Variants in LPCAT1 observed in about 807,000 individuals in gnomAD.
LPCAT1 encodes lysophosphatidylcholine acyltransferase 1.
Under a neutral mutation model 60.9 loss-of-function variants are expected in LPCAT1, and 23 were observed. The ratio of observed to expected loss-of-function variants is 0.38; its 90% CI spans 0.27 to 0.53. LPCAT1 has a LOEUF of 0.53. LPCAT1 is among the 20% of genes least tolerant of loss of function. The pLI, the probability that LPCAT1 is intolerant of heterozygous loss-of-function variation, is 0.82. For synonymous variants in LPCAT1, 340 were observed against 301.1 expected (o/e 1.13, Z -1.34); for missense variants, 622 against 723.6 (o/e 0.86, Z 1.61).
chr5:1,483,240 A>G lies in LPCAT1; in HGVS notation c.726+188T>C, dbSNP rs1045443131. Among the ~76,000 whole-genome samples, 13 of 152,236 alleles carry G rather than the reference A, an allele frequency of 8.5e-5. No homozygotes were observed. The highest frequency in any genetic ancestry group is 3.4e-3 in the Middle Eastern group (1 of 294). On this transcript the variant is annotated intron_variant, in intron 6 of 13. Transcript: ENST00000283415. The surrounding 1 kb of genome is among the most constrained non-coding windows in gnomAD (Gnocchi z 9.2). ...ACAGGCCGCACTCAGGAACGTGCCGAGCCCAGGGCCCGGGCCTGTCCTGCC... is the reference window on the plus strand; with the variant it reads ...ACAGGCCGCACTCAGGAACGTGCCGGGCCCAGGGCCCGGGCCTGTCCTGCC...
intron 12 of LPCAT1, 63 bp from the exon 13 acceptor site, chr5:1,466,953 A>C: frequency 1.4e-6 from 2 of 1,425,852 alleles, no homozygotes; most frequent in Non-Finnish European, 1.8e-6. Flanking sequence ...CCCGCTGTCC[A>C]GGGACACCCC....
At chr5:1,463,992 G>A in intron 13 of LPCAT1, among the ~76,000 whole-genome samples, 157 bp from the exon 14 acceptor site, 1 of 152,222 alleles carries the variant, frequency 6.6e-6, no homozygotes, top group East Asian at 1.9e-4. Context: ...GTGGAGAGAA[G>A]AACTTGCGCT....
intron 5 of LPCAT1, among the ~76,000 whole-genome samples, chr5:1,485,075 C>T (rs889794384): frequency 2.0e-5 from 3 of 152,180 alleles, no homozygotes; most frequent in Admixed American, 6.5e-5. Context: ...CAGGAGCTCG[C>T]GTGGAGTGCC....
intron 3 of LPCAT1, 49 bp from the exon 4 acceptor site, chr5:1,489,907 C>T (rs753664142): frequency 3.8e-5 from 51 of 1,353,446 alleles, no homozygotes; most frequent in Admixed American, 1.0e-4. Context: ...CGGCTCCCGC[C>T]AGGCAGGGCT....
chr5:1,468,849 G>A (rs1734550032), intron 12 of LPCAT1, among the ~76,000 whole-genome samples: 2 of 152,240 alleles, frequency 1.3e-5, no homozygotes, highest in Non-Finnish European at 2.9e-5. Flanking sequence ...TGTGTCCCAA[G>A]AGCAGCACGC....
In LPCAT1 at chr5:1,476,706, C is replaced by T. The variant is rs955256131; in HGVS notation, c.899+698G>A. Among the ~76,000 whole-genome samples the T allele has an allele frequency of 2.6e-5, 4 of 151,954 alleles. No individual in the cohort carries two copies. The highest frequency in any genetic ancestry group is 5.9e-5 in the Non-Finnish European group (4 of 68,012). ...TTTGCAGGAGGAAGCACTAGGGAGG[C>T]ATTCACGTGGGGGTAAATCCAGGTG... On this transcript the variant is annotated intron_variant, in intron 9 of 13. Transcript: ENST00000283415. The surrounding 1 kb of genome is among the most constrained non-coding windows in gnomAD (Gnocchi z 8.6).
At position 1,523,573 on chromosome 5, in the gene LPCAT1, G is replaced by T; in HGVS notation, c.135+137C>A. ...ACGCGAACTGAGGGGCGGCCGCGGGGAGGGAAGGCGCCGCGGCTCGCAGGG... is the reference window on the plus strand; with the variant it reads ...ACGCGAACTGAGGGGCGGCCGCGGGTAGGGAAGGCGCCGCGGCTCGCAGGG... On this transcript the variant is annotated intron_variant, in intron 1 of 13. Transcript: ENST00000283415. This position sits in a 1 kb window ranked among gnomAD's most constrained non-coding sequence, Gnocchi z 7.1. 2 of 485,496 alleles carry T rather than the reference G, an allele frequency of 4.1e-6. No individual in the cohort carries two copies. The highest frequency in any genetic ancestry group is 5.4e-6 in the Non-Finnish European group (2 of 370,256). The allele number at this position is 485,496 out of a possible 1,614,324, so 30.1% of individuals were successfully genotyped here.
intron 12 of LPCAT1, among the ~76,000 whole-genome samples, chr5:1,468,406 G>A (rs1478432326): frequency 6.6e-6 from 1 of 152,222 alleles, no homozygotes; most frequent in Non-Finnish European, 1.5e-5. Flanking sequence ...CTCCTCGGCC[G>A]ACCTGGATCC....
In LPCAT1 at chr5:1,466,966, C is replaced by T; in HGVS notation, c.1279-76G>A. On this transcript the variant is annotated intron_variant, in intron 12 of 13. Transcript: ENST00000283415. ...GCCCCGCTGTCCAGGGACACCCCAG[C>T]GGCCCTGCCCCGCTTTGTCAGAGCT... 10 of 1,348,998 alleles carry T rather than the reference C, an allele frequency of 7.4e-6. No homozygotes were observed. In the Admixed American group the frequency reaches 8.6e-5, roughly 12 times the overall value. 83.6% of individuals were successfully genotyped at this position (1,348,998 alleles called of 1,614,324 possible).
intron 9 of LPCAT1, among the ~76,000 whole-genome samples, chr5:1,475,463 T>A (rs1446154000): frequency 6.6e-6 from 1 of 152,154 alleles, no homozygotes; most frequent in African/African-American, 2.4e-5. Context: ...TGATGGCCCG[T>A]CCTGGGTGGC....
rs758842349 is a variant in LPCAT1, at chr5:1,477,385, G to A, written c.899+19C>T. 1.9e-6 allele frequency: 3 copies of A among 1,609,466 alleles called. No individual in the cohort carries two copies. The highest frequency in any genetic ancestry group is 2.6e-6 in the Non-Finnish European group (3 of 1,176,240). The stretch of plus-strand genomic sequence containing the variant: ...AGACACCCCTGACTCGGCGATGGGG[G>A]AAGGAGCTGCTCACTTACTCGGCCA... On this transcript the variant is annotated intron_variant, in intron 9 of 13. Transcript: ENST00000283415. The surrounding 1 kb of genome is among the most constrained non-coding windows in gnomAD (Gnocchi z 6.0).
intron 12 of LPCAT1, among the ~76,000 whole-genome samples, chr5:1,469,186 C>G (rs575322988): frequency 3.3e-5 from 5 of 152,290 alleles, no homozygotes; most frequent in Admixed American, 1.3e-4. Context: ...CATCCTGCCC[C>G]CAGGTGGTCA....
intron 3 of LPCAT1, among the ~76,000 whole-genome samples, chr5:1,490,094 G>A (rs1416168425): frequency 3.3e-5 from 5 of 152,242 alleles, no homozygotes; most frequent in African/African-American, 1.2e-4. Flanking sequence ...GTAACAAACA[G>A]CAAGTCCATG....
intron 11 of LPCAT1, among the ~76,000 whole-genome samples, chr5:1,473,447 T>TGACC (rs1734770537): frequency 6.6e-6 from 1 of 152,252 alleles, no homozygotes; most frequent in Non-Finnish European, 1.5e-5. Flanking sequence ...CCACCTGGTG[T>TGACC]GACCGTGGAT....
At chr5:1,494,602 T>C in intron 3 of LPCAT1, 98 bp downstream of exon 3, 1 of 1,164,662 alleles carries the variant, frequency 8.6e-7, no homozygotes, top group Non-Finnish European at 1.3e-6. Context: ...GGACCCTCAC[T>C]CCCAGCAGGA....
At chr5:1,486,390 AG>A (rs1735371801) in intron 5 of LPCAT1, among the ~76,000 whole-genome samples, 1 of 152,140 alleles carries the variant, frequency 6.6e-6, no homozygotes, top group Non-Finnish European at 1.5e-5. Flanking sequence ...ACCCTGCTGG[AG>A]GCTCCAGGAG....
At position 1,466,899 on chromosome 5, in the gene LPCAT1, C is replaced by A. The variant is rs1266956599; in HGVS notation, c.1279-9G>T. On this transcript the variant is annotated splice_polypyrimidine_tract_variant and intron_variant, in intron 12 of 13. Transcript: ENST00000283415. ...TCTTGCGCTCCGTACATCTGCAAGG[C>A]AAACTGGGTGTCACCTTGCAGCCTC... 3.8e-6 allele frequency: 6 copies of A among 1,560,806 alleles called. No individual in the cohort carries two copies. Among genetic ancestry groups the A allele is most frequent in the Non-Finnish European group, 5.2e-6 (6 of 1,147,960 alleles).
At chr5:1,497,592 G>T (rs1735842510) in intron 2 of LPCAT1, among the ~76,000 whole-genome samples, 1 of 152,258 alleles carries the variant, frequency 6.6e-6, no homozygotes, top group African/African-American at 2.4e-5. Flanking sequence ...GACTGGCTTA[G>T]CTGGGTCAGG....
At position 1,466,701 on chromosome 5, in the gene LPCAT1, A is replaced by C. The variant is rs201090935; in HGVS notation, c.1420+48T>G. 2.7e-5 allele frequency: 42 copies of C among 1,574,272 alleles called. No homozygotes were observed. In the East Asian group the frequency reaches 9.8e-4, roughly 37 times the overall value. On this transcript the variant is annotated intron_variant, in intron 13 of 13. Coordinates refer to ENST00000283415, the MANE Select transcript of LPCAT1 (RefSeq NM_024830.5). ...CGGAGACTCGCCCCACACTCTGTCCAGCCCCCGCCCAAGGGTCGCGAGGAC... is the reference window on the plus strand; with the variant it reads ...CGGAGACTCGCCCCACACTCTGTCCCGCCCCCGCCCAAGGGTCGCGAGGAC...
Sources: gnomAD v4.1 joint callset for allele counts (sites outside exome capture counted in the v4.1 genomes callset) on GRCh38, gnomAD v4.1.1 for gene constraint, Gnocchi (gnomAD v3.1) non-coding constraint, MANE v1.5 for transcripts, NCBI Gene and HGNC (gene_info 2026-07-23, HGNC 2026-07-21) for gene names.